GRID1: variants seen among roughly 807,000 people sequenced by gnomAD.
GRID1 encodes the protein glutamate ionotropic receptor delta type subunit 1.
In GRID1, 28 loss-of-function variants were observed where a neutral mutation model predicts 98.0. That is an observed-to-expected ratio of 0.29 (90% CI 0.21 to 0.39). The LOEUF (loss-of-function observed/expected upper bound fraction) is 0.39. Ranked by LOEUF, GRID1 falls within the 10% of genes least tolerant of loss-of-function variation. The pLI, the probability that GRID1 is intolerant of heterozygous loss-of-function variation, is 1.00. For missense variants in GRID1, 1,111 were observed against 1,340.5 expected, an observed-to-expected ratio of 0.83 and a Z score of 2.67; for synonymous variants, 553 against 538.5, an observed-to-expected ratio of 1.03 and a Z score of -0.37.
intron 8 of GRID1, among the ~76,000 whole-genome samples, chr10:85,760,732 T>A (rs150848813): frequency 1.1e-3 from 162 of 152,342 alleles, no homozygotes; most frequent in Middle Eastern, 6.8e-3. Flanking sequence ...TTTCCTGTTT[T>A]ATCTTCCCTA....
chr10:86,120,414 C>T (rs1057223963), intron 4 of GRID1, among the ~76,000 whole-genome samples: 3 of 152,214 alleles, frequency 2.0e-5, no homozygotes, highest in African/African-American at 7.2e-5. Context: ...AATCCCTGTA[C>T]TTATACCTAT....
At chr10:86,089,061 G>A (rs892099394) in intron 4 of GRID1, among the ~76,000 whole-genome samples, 2 of 152,138 alleles carry the variant, frequency 1.3e-5, no homozygotes, top group Non-Finnish European at 1.5e-5. Context: ...AGCAAAGCCC[G>A]AGTGCAGATC....
intron 4 of GRID1, among the ~76,000 whole-genome samples, chr10:86,018,070 G>T (rs1843001976): frequency 6.6e-6 from 1 of 152,188 alleles, no homozygotes; most frequent in South Asian, 2.1e-4. Context: ...GCTGCAAGGT[G>T]CTGTACTTGT....
intron 13 of GRID1, among the ~76,000 whole-genome samples, chr10:85,623,123 A>G (rs939197158): frequency 2.6e-5 from 4 of 152,178 alleles, no homozygotes; most frequent in African/African-American, 9.7e-5. Context: ...GAGCTTCCTC[A>G]GCCTTTCTCT....
At chr10:86,136,791 G>C (rs369926221) in intron 4 of GRID1, among the ~76,000 whole-genome samples, 8 of 152,186 alleles carry the variant, frequency 5.3e-5, no homozygotes, top group South Asian at 2.1e-4. Flanking sequence ...CTGACGTTAA[G>C]AGTCCAGCAA....
At chr10:86,044,462 C>A (rs140939650) in intron 4 of GRID1, among the ~76,000 whole-genome samples, 1 of 152,134 alleles carries the variant, frequency 6.6e-6, no homozygotes, top group Admixed American at 6.5e-5. Context: ...ACAGAAGATA[C>A]CCGATTTGCT....
chr10:85,667,571 G>A (rs929324167), intron 12 of GRID1, among the ~76,000 whole-genome samples: 7 of 152,162 alleles, frequency 4.6e-5, no homozygotes, highest in African/African-American at 1.7e-4. Flanking sequence ...AAAGTCACAT[G>A]TCCATTCAAT....
At chr10:86,077,266 T>TC (rs1198492578) in intron 4 of GRID1, among the ~76,000 whole-genome samples, 1 of 137,072 alleles carries the variant, frequency 7.3e-6, no homozygotes, top group Non-Finnish European at 1.6e-5. Flanking sequence ...AGTGGCTCAT[T>TC]CCCACACTTG....
chr10:86,134,390 A>G (rs554537959), intron 4 of GRID1, among the ~76,000 whole-genome samples: 7 of 152,362 alleles, frequency 4.6e-5, no homozygotes, highest in African/African-American at 1.4e-4. Flanking sequence ...TGGATGACAG[A>G]TGAATAGATG....
intron 3 of GRID1, among the ~76,000 whole-genome samples, chr10:86,169,667 C>T (rs1321268910): frequency 6.6e-6 from 1 of 152,190 alleles, no homozygotes; most frequent in East Asian, 1.9e-4. Context: ...AGCAGTCCAG[C>T]CTGGGATTTC....
intron 4 of GRID1, among the ~76,000 whole-genome samples, chr10:86,130,242 G>A (rs886648724): frequency 2.0e-5 from 3 of 152,170 alleles, no homozygotes; most frequent in African/African-American, 7.2e-5. Context: ...TCTCCAAGGG[G>A]ACTGGCAGCT....
chr10:86,273,983 T>C (rs1029190776), intron 2 of GRID1, among the ~76,000 whole-genome samples: 1 of 152,164 alleles, frequency 6.6e-6, no homozygotes. Context: ...ATGAAGTCCT[T>C]GCCCATGCCT....
intron 2 of GRID1, among the ~76,000 whole-genome samples, chr10:86,311,217 T>C (rs548480576): frequency 6.6e-6 from 1 of 152,094 alleles, no homozygotes; most frequent in Non-Finnish European, 1.5e-5. Flanking sequence ...GGCTCAGAGA[T>C]ATTAAGAAAT....
At chr10:86,267,383 C>A (rs539572163) in intron 2 of GRID1, among the ~76,000 whole-genome samples, 5 of 152,228 alleles carry the variant, frequency 3.3e-5, no homozygotes, top group African/African-American at 4.8e-5. Context: ...CTCAACCCAG[C>A]CCCGCCCTGG....
intron 12 of GRID1, among the ~76,000 whole-genome samples, chr10:85,711,809 T>C (rs1264224954): frequency 6.6e-6 from 1 of 151,532 alleles, no homozygotes; most frequent in East Asian, 1.9e-4. Flanking sequence ...TAAAATTAAC[T>C]CCTAAAAAAG....
chr10:86,169,277 G>A (rs1382944389), intron 3 of GRID1, among the ~76,000 whole-genome samples: 2 of 152,214 alleles, frequency 1.3e-5, no homozygotes, highest in East Asian at 1.9e-4. Flanking sequence ...AAGTACTGTT[G>A]AGCTTGTCAA....
At chr10:85,665,531 C>T (rs117613542) in intron 12 of GRID1, among the ~76,000 whole-genome samples, 2,938 of 152,200 alleles carry the variant, frequency 0.019, 44 homozygotes, top group East Asian at 0.057. Flanking sequence ...CAGAGTCTGG[C>T]CCTGCCACAT....
chr10:86,082,061 G>T (rs1446931867), intron 4 of GRID1, among the ~76,000 whole-genome samples: 1 of 152,200 alleles, frequency 6.6e-6, no homozygotes, highest in African/African-American at 2.4e-5. Context: ...ATTAATTCAA[G>T]ATATCAATAA....
At chr10:85,666,683 A>T (rs1458811963) in intron 12 of GRID1, among the ~76,000 whole-genome samples, 1 of 152,132 alleles carries the variant, frequency 6.6e-6, no homozygotes, top group Admixed American at 6.5e-5. Context: ...ACTACAGGGG[A>T]CGTGACTTCA....
Sources: gnomAD v4.1 joint callset for allele counts (sites outside exome capture counted in the v4.1 genomes callset) on GRCh38, gnomAD v4.1.1 for gene constraint, MANE v1.5 for transcripts, NCBI Gene and HGNC (gene_info 2026-07-23, HGNC 2026-07-21) for gene names.